The following PCP4 variants were observed in gnomAD, a reference collection of about 807,000 sequenced individuals.
PCP4 encodes the protein calmodulin regulator protein PCP4.
PCP4 carries 8 observed loss-of-function variants against 10.0 expected under a neutral mutation model. The observed-to-expected ratio is 0.80, with a 90% confidence interval of 0.47 to 1.45. The LOEUF is 1.45. Ranked by LOEUF, PCP4 falls within the 40% of genes most tolerant of loss-of-function variation. The pLI, the probability that PCP4 is intolerant of heterozygous loss-of-function variation, is 0.00. For synonymous variants in PCP4, 21 were observed against 23.0 expected (o/e 0.91, Z 0.24); for missense variants, 54 against 74.4 (o/e 0.73, Z 1.01).
chr21:39,871,552 TGACA>T (rs2087320071), intron 1 of PCP4, among the ~76,000 whole-genome samples: 1 of 152,232 alleles, frequency 6.6e-6, no homozygotes, highest in African/African-American at 2.4e-5. Flanking sequence ...GCAAGGACTC[TGACA>T]GATCAAGCAA....
intron 1 of PCP4, among the ~76,000 whole-genome samples, chr21:39,868,764 G>A (rs1404636587): frequency 6.6e-6 from 1 of 152,206 alleles, no homozygotes; most frequent in Admixed American, 6.5e-5. Context: ...GTGGTTTGAG[G>A]TCACCAGCTA....
chr21:39,905,634 C>T (rs536654103), intron 2 of PCP4, among the ~76,000 whole-genome samples: 64 of 152,256 alleles, frequency 4.2e-4, no homozygotes, highest in African/African-American at 9.6e-4. Flanking sequence ...AGGAACACCT[C>T]GGATAAGTAT....
At chr21:39,903,720 T>A (rs368397490) in intron 2 of PCP4, among the ~76,000 whole-genome samples, 3 of 151,014 alleles carry the variant, frequency 2.0e-5, no homozygotes, top group African/African-American at 7.3e-5. Context: ...TACAAAAAAT[T>A]ATCCGGGCGC....
Position 39,898,480 on chromosome 21 carries a change from A to C in PCP4, c.14A>C (p.Gln5Pro). The C allele has an allele frequency of 6.2e-7, 1 of 1,613,820 alleles. No homozygotes were observed. The highest frequency in any genetic ancestry group is 8.5e-7 in the Non-Finnish European group (1 of 1,179,732). MSER[Q>P]GAGATNGKDK... Reference sequence around the variant, plus strand: ...TCTTTTATTTTTTGCCTTTAGCGACAAGGTGCTGGGGCAACCAATGGAAAA... The same window carrying C: ...TCTTTTATTTTTTGCCTTTAGCGACCAGGTGCTGGGGCAACCAATGGAAAA... Residue 5 changes from glutamine to proline, a missense_variant, in exon 2 of 3, where the codon CAA becomes CCA. Physicochemically the swap from Gln to Pro is moderately conservative, Grantham distance 76. Transcript: ENST00000328619.
chr21:39,898,631 T>G (rs2087468849), intron 2 of PCP4, 104 bp downstream of exon 2: 2 of 844,920 alleles, frequency 2.4e-6, no homozygotes, highest in South Asian at 1.5e-5. Context: ...GCTTACTATA[T>G]GTGTCTGCGC....
intron 1 of PCP4, among the ~76,000 whole-genome samples, chr21:39,888,957 C>T (rs897732876): frequency 3.3e-5 from 5 of 152,202 alleles, no homozygotes; most frequent in Non-Finnish European, 7.4e-5. Context: ...GCCTGGGAGA[C>T]ACCACAGTCC....
At position 39,906,156 on chromosome 21, in the gene PCP4, G is replaced by T. The variant is rs1170437425; in HGVS notation, c.61+7629G>T. ...CTGGTGAACTCAGGATTGTCCTAAG[G>T]TCACATAAATAAGAGGAGGAAAGTT... On this transcript the variant is annotated intron_variant, in intron 2 of 2. Coordinates refer to ENST00000328619, the MANE Select transcript of PCP4 (RefSeq NM_006198.3). The surrounding 1 kb of genome is among the most constrained non-coding windows in gnomAD (Gnocchi z 6.3). Among the ~76,000 whole-genome samples the T allele has an allele frequency of 5.3e-5, 8 of 152,218 alleles. No individual in the cohort carries two copies. Among genetic ancestry groups the T allele is most frequent in the Non-Finnish European group, 1.2e-4 (8 of 68,032 alleles).
chr21:39,889,541 T>C (rs55754802), intron 1 of PCP4, among the ~76,000 whole-genome samples: 2,291 of 138,926 alleles, frequency 0.016, 40 homozygotes, highest in African/African-American at 0.029. Flanking sequence ...CTTAGCCTCC[T>C]GAGTAGCTGG....
chr21:39,901,610 A>G (rs555020567), intron 2 of PCP4, among the ~76,000 whole-genome samples: 55 of 152,334 alleles, frequency 3.6e-4, no homozygotes, highest in African/African-American at 1.3e-3. Context: ...GAGGTTTTTT[A>G]TGGAGGTATA....
intron 1 of PCP4, among the ~76,000 whole-genome samples, chr21:39,877,703 A>G (rs976308394): frequency 1.3e-5 from 2 of 152,092 alleles, no homozygotes; most frequent in East Asian, 1.9e-4. Flanking sequence ...CCTCAAAACA[A>G]AAACAAATAC....
At chr21:39,896,925 C>T (rs1213296692) in intron 1 of PCP4, among the ~76,000 whole-genome samples, 3 of 152,238 alleles carry the variant, frequency 2.0e-5, no homozygotes, top group African/African-American at 7.2e-5. Context: ...ATGGTTTTCT[C>T]CTTGTTCGGT....
intron 2 of PCP4, among the ~76,000 whole-genome samples, chr21:39,913,727 G>A (rs1386651470): frequency 6.6e-6 from 1 of 152,168 alleles, no homozygotes; most frequent in Non-Finnish European, 1.5e-5. Flanking sequence ...ACCTGGGAGG[G>A]ACTTGACCCT....
intron 2 of PCP4, among the ~76,000 whole-genome samples, chr21:39,919,980 GGTGT>G (rs796387471): frequency 4.7e-5 from 7 of 148,718 alleles, no homozygotes; most frequent in African/African-American, 1.7e-4. Flanking sequence ...GTGTGTGTGT[GGTGT>G]GTGTGTGGGG....
At chr21:39,874,119 AG>A (rs1568848998) in intron 1 of PCP4, among the ~76,000 whole-genome samples, 1 of 152,222 alleles carries the variant, frequency 6.6e-6, no homozygotes. Flanking sequence ...TGAACATTTA[AG>A]GGCAAGGAAG....
intron 2 of PCP4, among the ~76,000 whole-genome samples, chr21:39,912,514 G>A (rs909002173): frequency 1.3e-5 from 2 of 151,922 alleles, no homozygotes; most frequent in Admixed American, 6.6e-5. Flanking sequence ...CTGCCAAGGT[G>A]CCACATAAAA....
chr21:39,880,154 ATATC>A (rs1229387692), intron 1 of PCP4, among the ~76,000 whole-genome samples: 1 of 139,130 alleles, frequency 7.2e-6, no homozygotes, highest in Non-Finnish European at 1.5e-5. Context: ...ATCTATATCT[ATATC>A]TATATCTATA....
chr21:39,923,882 A>G (rs1797002046), intron 2 of PCP4, among the ~76,000 whole-genome samples: 3 of 152,144 alleles, frequency 2.0e-5, no homozygotes, highest in African/African-American at 7.2e-5. Context: ...AGCTAAGGAG[A>G]ATGTCCTTTT....
intron 2 of PCP4, among the ~76,000 whole-genome samples, chr21:39,903,520 C>T (rs996490636): frequency 4.6e-5 from 7 of 152,108 alleles, no homozygotes; most frequent in African/African-American, 1.7e-4. Flanking sequence ...GGGAGAGAGA[C>T]TATGGCCTGA....
At chr21:39,924,651 T>A (rs2087612151) in intron 2 of PCP4, among the ~76,000 whole-genome samples, 1 of 152,106 alleles carries the variant, frequency 6.6e-6, no homozygotes, top group Non-Finnish European at 1.5e-5. Flanking sequence ...GATCCTCCCC[T>A]CTCAGTCTCC....
Sources: gnomAD v4.1 joint callset for allele counts (sites outside exome capture counted in the v4.1 genomes callset) on GRCh38, gnomAD v4.1.1 for gene constraint, Gnocchi (gnomAD v3.1) non-coding constraint, MANE v1.5 for transcripts, NCBI Gene and HGNC (gene_info 2026-07-23, HGNC 2026-07-21) for gene names.